The following ACOT12 variants were observed in gnomAD, a reference collection of about 807,000 sequenced individuals.
ACOT12 encodes the protein acetyl-coenzyme A thioesterase.
Under a neutral mutation model 67.7 loss-of-function variants are expected in ACOT12, and 51 were observed. That is an observed-to-expected ratio of 0.75 (90% CI 0.60 to 0.95). The LOEUF (loss-of-function observed/expected upper bound fraction) is 0.95. Ranked by LOEUF, ACOT12 falls within the 40% of genes least tolerant of loss-of-function variation. The probability of loss-of-function intolerance (pLI) is 0.00; values close to 1 mark genes in which losing one functional copy is unlikely to be tolerated. For missense variants in ACOT12, 734 were observed against 708.1 expected (o/e 1.04, Z -0.41); for synonymous variants, 251 against 244.6 (o/e 1.03, Z -0.24).
At chr5:81,362,070 T>G (rs988331244) in intron 4 of ACOT12, among the ~76,000 whole-genome samples, 31 of 152,142 alleles carry the variant, frequency 2.0e-4, no homozygotes, top group South Asian at 6.2e-4. Flanking sequence ...AACCAACCAA[T>G]TATGTTAGCA....
At chr5:81,373,027 T>C (rs764743998) in intron 2 of ACOT12, among the ~76,000 whole-genome samples, 3 of 152,200 alleles carry the variant, frequency 2.0e-5, no homozygotes, top group Non-Finnish European at 4.4e-5. Flanking sequence ...ATGACTACTC[T>C]CTACTGAATG....
the ACOT12 span, chr5:81,311,177 G>A: frequency 6.2e-7 from 1 of 1,612,268 alleles, no homozygotes; most frequent in Non-Finnish European, 8.5e-7. Context: ...TTGCAAGTAT[G>A]AGATGGTATT....
At chr5:81,308,948 G>A in the ACOT12 span, 15 of 1,612,220 alleles carry the variant, frequency 9.3e-6, no homozygotes, top group Admixed American at 8.4e-5. Context: ...TTTTACAGGC[G>A]AATTTCCTTT....
intron 10 of ACOT12, among the ~76,000 whole-genome samples, chr5:81,343,338 TAAC>T (rs1183010013): frequency 2.6e-5 from 4 of 152,374 alleles, no homozygotes; most frequent in South Asian, 2.1e-4. Flanking sequence ...ACTGTATACT[TAAC>T]AACTGCGTAT....
intron 13 of ACOT12, among the ~76,000 whole-genome samples, chr5:81,331,158 G>A (rs993903847): frequency 4.6e-5 from 7 of 152,202 alleles, no homozygotes; most frequent in African/African-American, 1.7e-4. Flanking sequence ...AATGCTTTGT[G>A]TAACTCCATG....
intron 5 of ACOT12, among the ~76,000 whole-genome samples, chr5:81,354,636 T>C (rs955070842): frequency 2.0e-5 from 3 of 152,192 alleles, no homozygotes; most frequent in African/African-American, 7.2e-5. Flanking sequence ...AAAGTACAGA[T>C]TTGACACGAA....
At chr5:81,380,731 C>T (rs957632680) in intron 2 of ACOT12, among the ~76,000 whole-genome samples, 14 of 152,108 alleles carry the variant, frequency 9.2e-5, no homozygotes, top group African/African-American at 2.2e-4. Context: ...AAATGTAGTG[C>T]GTCTCCACAA....
chr5:81,370,563 C>T (rs1025663483), intron 3 of ACOT12, among the ~76,000 whole-genome samples: 1 of 152,088 alleles, frequency 6.6e-6, no homozygotes, highest in Non-Finnish European at 1.5e-5. Context: ...AAGGAGAACA[C>T]GTGAAGATGA....
At chr5:81,345,627 T>C (rs1759355562) in intron 7 of ACOT12, among the ~76,000 whole-genome samples, 1 of 151,952 alleles carries the variant, frequency 6.6e-6, no homozygotes, top group African/African-American at 2.4e-5. Flanking sequence ...GGATGACAGG[T>C]ACAAACCAGG....
In ACOT12 at chr5:81,335,776, G is replaced by A; in HGVS notation, c.1254C>T (p.Pro418=). Residue 418 remains proline, a synonymous_variant, in exon 12 of 15, where the codon CCC becomes CCT. Transcript: ENST00000307624. ...SDFTKRPLWD[P]HFVSCEVIDW... ...TTTAAATTTGTTCTTACACAAAATG[G>A]GGGTCCCACAAAGGTCGCTTTGTAA... 6.2e-7 allele frequency: 1 copy of A among 1,606,496 alleles called. No homozygotes were observed. The highest frequency in any genetic ancestry group is 1.1e-5 in the South Asian group (1 of 88,836).
intron 11 of ACOT12, among the ~76,000 whole-genome samples, chr5:81,341,478 G>T (rs1335437863): frequency 6.6e-6 from 1 of 152,176 alleles, no homozygotes; most frequent in East Asian, 1.9e-4. Context: ...AATTATGATG[G>T]GACAACAGGT....
the ACOT12 span, chr5:81,311,265 A>C: frequency 3.7e-6 from 6 of 1,614,100 alleles, no homozygotes; most frequent in East Asian, 1.3e-4. Flanking sequence ...GATTGCCCTG[A>C]AAGTCAGAAT....
intron 13 of ACOT12, among the ~76,000 whole-genome samples, chr5:81,332,065 A>G (rs73134836): frequency 0.022 from 3,402 of 152,348 alleles, 129 homozygotes; most frequent in African/African-American, 0.078. Flanking sequence ...TACATGGAAA[A>G]ACTATGTCTG....
chr5:81,308,855 A>G, the ACOT12 span: 4 of 1,385,486 alleles, frequency 2.9e-6, no homozygotes, highest in Non-Finnish European at 3.9e-6. Context: ...TTATGTAAAT[A>G]TATTTTTTAT....
chr5:81,371,875 A>T (rs938148112), intron 2 of ACOT12, 65 bp from the exon 3 acceptor site: 38 of 1,424,728 alleles, frequency 2.7e-5, no homozygotes, highest in Non-Finnish European at 2.0e-5. Context: ...TAAGACTTAA[A>T]GATTACTTAA....
At chr5:81,309,702 G>A in the ACOT12 span, among the ~76,000 whole-genome samples, 2 of 152,242 alleles carry the variant, frequency 1.3e-5, no homozygotes, top group South Asian at 4.1e-4. Context: ...GGGTTACAGC[G>A]CCAGCACTGC....
intron 12 of ACOT12, 53 bp downstream of exon 12, chr5:81,335,715 T>C (rs1758974324): frequency 3.2e-6 from 5 of 1,567,406 alleles, no homozygotes; most frequent in Non-Finnish European, 4.4e-6. Flanking sequence ...ATGGAGATCA[T>C]CTTTTACATT....
At chr5:81,331,120 G>A (rs927843660) in intron 13 of ACOT12, among the ~76,000 whole-genome samples, 180 bp from the exon 14 acceptor site, 8 of 152,226 alleles carry the variant, frequency 5.3e-5, no homozygotes, top group African/African-American at 1.9e-4. Context: ...GTAGGAAATA[G>A]TGTTTTCTGC....
At chr5:81,363,241 G>A (rs1465483090) in intron 4 of ACOT12, among the ~76,000 whole-genome samples, 1 of 152,080 alleles carries the variant, frequency 6.6e-6, no homozygotes, top group Non-Finnish European at 1.5e-5. Flanking sequence ...ATCGTGTCCA[G>A]GCAGCCGGCT....
Sources: allele counts gnomAD v4.1 joint callset (sites outside exome capture counted in the v4.1 genomes callset), GRCh38; gene constraint gnomAD v4.1.1; transcripts MANE v1.5; gene names NCBI Gene and HGNC (gene_info 2026-07-23, HGNC 2026-07-21).